The following PRDX3 variants were observed in gnomAD, a reference collection of about 807,000 sequenced individuals.
PRDX3 encodes the protein thioredoxin-dependent peroxide reductase, mitochondrial.
PRDX3 carries 20 observed loss-of-function variants against 30.4 expected under a neutral mutation model. The ratio of observed to expected loss-of-function variants is 0.66; its 90% CI spans 0.46 to 0.96. The LOEUF (loss-of-function observed/expected upper bound fraction) is 0.96. Among genes scored for constraint, PRDX3 ranks in the 40% least tolerant of loss-of-function variants. The pLI is 0.00. For missense variants in PRDX3, 322 were observed against 318.3 expected (o/e 1.01, Z -0.09); for synonymous variants, 124 against 117.8 (o/e 1.05, Z -0.34).
chr10:119,178,777 A>G lies in PRDX3; in HGVS notation c.14T>C (p.Val5Ala), dbSNP rs746583175. The part of the protein sequence containing the change: MAAA[V>A]GRLLRASVAR... Reference sequence around the variant, plus strand: ...CACCGACGCTCGGAGCAACCGTCCTACAGCAGCCGCCATCTTCAGTGCACT... The same window carrying G: ...CACCGACGCTCGGAGCAACCGTCCTGCAGCAGCCGCCATCTTCAGTGCACT... The change falls in exon 1 of 7, where the codon GTA becomes GCA. Residue 5 changes from valine (V) to alanine (A), a missense_variant. By Grantham distance (64) the Val-to-Ala change is moderately conservative (BLOSUM62 0). Transcript: ENST00000298510. The G allele has an allele frequency of 8.4e-6, 13 of 1,552,726 alleles. No homozygotes were observed. In the South Asian group the frequency reaches 1.3e-4, roughly 16 times the overall value.
In PRDX3 at chr10:119,172,416, C is replaced by A. The variant is rs11554923; in HGVS notation, c.517G>T (p.Gly173Cys). Residue 173 changes from glycine (G) to cysteine (C), a missense_variant, in exon 5 of 7, where the codon GGT (glycine) becomes TGT (cysteine). Gly to Cys is a radical substitution (Grantham distance 159). Coordinates refer to ENST00000298510, the MANE Select transcript of PRDX3 (RefSeq NM_006793.5). The part of the protein sequence containing the change: ...DLTKQISRDY[G>C]VLLEGSGLAL... The stretch of plus-strand genomic sequence containing the variant: ...AGACCAGAACCTTCTAACAGCACAC[C>A]GTAGTCTCGGGAAATCTGCTTAGTT... 6.6e-3 allele frequency: 10,731 copies of A among 1,613,992 alleles called. 57 individuals carry two copies. The highest frequency in any genetic ancestry group is 7.8e-3 in the Non-Finnish European group (9,190 of 1,179,872).
At chr10:119,172,251 T>C (rs35815158) in intron 5 of PRDX3, 131 bp downstream of exon 5, 10,702 of 758,252 alleles carry the variant, frequency 0.014, 234 homozygotes, top group Admixed American at 0.068. Flanking sequence ...ATTACAGGCA[T>C]GAGCCACCAT....
At chr10:119,174,279 A>C (rs140722068) in intron 3 of PRDX3, among the ~76,000 whole-genome samples, 172 bp downstream of exon 3, 8 of 152,310 alleles carry the variant, frequency 5.3e-5, no homozygotes, top group African/African-American at 1.9e-4. Flanking sequence ...GAAGTTTATC[A>C]CTTGTAAACA....
chr10:119,168,509 T>C lies in PRDX3; in HGVS notation c.742A>G (p.Lys248Glu). Residue 248 changes from lysine to glutamate, a missense_variant, in exon 7 of 7, where the codon AAA (lysine) becomes GAA (glutamate). By Grantham distance (56) the Lys-to-Glu change is moderately conservative. Transcript: ENST00000298510. ...PTIKPSPAAS[K>E]EYFQKVNQ ...TGATTTACCTTCTGAAAGTACTCTT[T>C]GGAAGCAGCTGGACTTGGCTTGATC... The C allele has an allele frequency of 6.2e-7, 1 of 1,613,976 alleles. No individual in the cohort carries two copies. The highest frequency in any genetic ancestry group is 8.5e-7 in the Non-Finnish European group (1 of 1,179,996).
intron 1 of PRDX3, among the ~76,000 whole-genome samples, chr10:119,178,236 C>T (rs1292764832): frequency 6.6e-6 from 1 of 152,142 alleles, no homozygotes; most frequent in African/African-American, 2.4e-5. Context: ...CCAGAGAAAG[C>T]CGTGTACCAA....
chr10:119,173,813 T>C lies in PRDX3; in HGVS notation c.371A>G (p.Asp124Gly). Residue 124 changes from aspartate (D) to glycine (G), a missense_variant, in exon 4 of 7, where the codon GAC (aspartate) becomes GGC (glycine). Coordinates refer to ENST00000298510, the MANE Select transcript of PRDX3 (RefSeq NM_006793.5). ...GACTGCGACAACTTCACAGTTCACG[T>C]CGTGAAATTCGTTAGCTTTGTCACT... ...AFSDKANEFH[D>G]VNCEVVAVSV... is the part of the protein sequence containing the mutation. 2.5e-6 allele frequency: 4 copies of C among 1,612,264 alleles called. No homozygotes were observed. The highest frequency in any genetic ancestry group is 3.4e-6 in the Non-Finnish European group (4 of 1,178,818).
Position 119,177,076 on chromosome 10 carries a change from C to T in PRDX3, c.114G>A (p.Thr38=), listed in dbSNP as rs1848047166. The change falls in exon 2 of 7, where the codon ACG becomes ACA. Residue 38 remains threonine, a synonymous_variant. Transcript: ENST00000298510. Reference sequence around the variant, plus strand: ...CAGAACACAATAAATTTGTCAAGCTCGTTCTTCCACATGCAGCAGGCCTGA... The same window carrying T: ...CAGAACACAATAAATTTGTCAAGCTTGTTCTTCCACATGCAGCAGGCCTGA... ...AALRPAACGR[T]SLTNLLCSGS... 11 of 1,614,080 alleles carry T rather than the reference C, an allele frequency of 6.8e-6. No homozygotes were observed. The highest frequency in any genetic ancestry group is 7.6e-6 in the Non-Finnish European group (9 of 1,179,948).
Position 119,177,157 on chromosome 10 carries a change from G to C in PRDX3, c.37-4C>G, listed in dbSNP as rs374889602. 6.8e-6 allele frequency: 11 copies of C among 1,612,506 alleles called. No individual in the cohort carries two copies. The African/African-American group carries it at 1.1e-4, about 16-fold the overall frequency. ...TGGCACTCACATGTCGGGCAACCTG[G>C]AAAGAGAAACTTTTTATTAGAAAGT... is the stretch of plus-strand genomic sequence containing the variant. On this transcript the variant is annotated splice_polypyrimidine_tract_variant and splice_region_variant and intron_variant, in intron 1 of 6. Coordinates refer to ENST00000298510, the MANE Select transcript of PRDX3 (RefSeq NM_006793.5).
intron 4 of PRDX3, 29 bp downstream of exon 4, chr10:119,173,708 G>C (rs755537523): frequency 1.5e-5 from 24 of 1,603,310 alleles, no homozygotes; most frequent in Non-Finnish European, 2.0e-5. Context: ...AAGTTTATAA[G>C]AGCAAAAGCT....
intron 5 of PRDX3, chr10:119,169,567 C>A: frequency 2.3e-6 from 1 of 429,152 alleles, no homozygotes; most frequent in Non-Finnish European, 4.2e-6. Context: ...ATAAAACATG[C>A]AGTATGGTCA....
At chr10:119,173,230 G>A (rs978092685) in intron 4 of PRDX3, among the ~76,000 whole-genome samples, 8 of 152,094 alleles carry the variant, frequency 5.3e-5, no homozygotes, top group African/African-American at 4.8e-5. Context: ...GAGCCATCAC[G>A]CCCGGCTGCT....
chr10:119,173,692 C>T (rs1190751574), intron 4 of PRDX3, 45 bp downstream of exon 4: 3 of 1,588,248 alleles, frequency 1.9e-6, no homozygotes, highest in Non-Finnish European at 1.7e-6. Context: ...TTAGATTCTT[C>T]CAAGCAAGTT....
intron 5 of PRDX3, 158 bp from the exon 6 acceptor site, chr10:119,169,500 T>C: frequency 1.6e-6 from 1 of 613,170 alleles, no homozygotes; most frequent in South Asian, 2.2e-5. Context: ...GCAAAAAACT[T>C]ATCATCTCTT....
At chr10:119,173,384 C>T (rs1319702089) in intron 4 of PRDX3, among the ~76,000 whole-genome samples, 2 of 152,114 alleles carry the variant, frequency 1.3e-5, no homozygotes, top group Admixed American at 6.5e-5. Context: ...CCAAGGTGGG[C>T]GGATCACCTG....
rs144504811 is a variant in PRDX3, at chr10:119,169,228, T to C, written c.666A>G (p.Val222=). The C allele has an allele frequency of 3.7e-6, 6 of 1,613,086 alleles. No individual in the cohort carries two copies. The highest frequency in any genetic ancestry group is 2.2e-5 in the East Asian group (1 of 44,898). Residue 222 remains valine (V), a synonymous_variant, in exon 6 of 7, where the codon GTA becomes GTG. Transcript: ENST00000298510. ...CTGGGCAGACTTCTCCATGTGTTTC[T>C]ACATACTGGAACGCCTTCACCAAGC... ...TLRLVKAFQY[V]ETHGEVCPAN...
At chr10:119,174,813 A>T in intron 2 of PRDX3, 1 of 440,532 alleles carries the variant, frequency 2.3e-6, no homozygotes, top group Non-Finnish European at 4.0e-6. Flanking sequence ...TCTTACATAA[A>T]GTGGTGATTT....
At chr10:119,178,178 A>T (rs1848085857) in intron 1 of PRDX3, among the ~76,000 whole-genome samples, 1 of 152,132 alleles carries the variant, frequency 6.6e-6, no homozygotes, top group Non-Finnish European at 1.5e-5. Context: ...GCTCAACTTT[A>T]ATGTTCAAAA....
intron 1 of PRDX3, 100 bp downstream of exon 1, chr10:119,178,655 C>G (rs999381068): frequency 7.1e-7 from 1 of 1,402,548 alleles, no homozygotes. Context: ...CCAAGAAGGG[C>G]GAATGGCCCT....
At chr10:119,172,698 G>A (rs1460032726) in intron 4 of PRDX3, among the ~76,000 whole-genome samples, 10 of 152,132 alleles carry the variant, frequency 6.6e-5, no homozygotes, top group Non-Finnish European at 1.5e-5. Context: ...AAAAACCTAA[G>A]TAACTTGTTC....
Sources: gnomAD v4.1 joint callset for allele counts (sites outside exome capture counted in the v4.1 genomes callset) on GRCh38, gnomAD v4.1.1 for gene constraint, MANE v1.5 for transcripts, NCBI Gene and HGNC (gene_info 2026-07-23, HGNC 2026-07-21) for gene names.